Variants in ZMYND8 observed in about 807,000 individuals in gnomAD.
The protein encoded by ZMYND8 is MYND-type zinc finger-containing chromatin reader ZMYND8.
In ZMYND8, 37 loss-of-function variants were observed where a neutral mutation model predicts 140.8. The ratio of observed to expected loss-of-function variants is 0.26; its 90% CI spans 0.20 to 0.35. ZMYND8 has a LOEUF of 0.35. ZMYND8 is among the 10% of genes least tolerant of loss of function. The pLI is 1.00. For synonymous variants in ZMYND8, 592 were observed against 597.1 expected, an observed-to-expected ratio of 0.99 and a Z score of 0.12; for missense variants, 1,068 against 1,570.0, an observed-to-expected ratio of 0.68 and a Z score of 5.40.
chr20:47,321,764 A>G (rs996557544), intron 2 of ZMYND8, among the ~76,000 whole-genome samples: 1 of 152,100 alleles, frequency 6.6e-6, no homozygotes, highest in Non-Finnish European at 1.5e-5. Flanking sequence ...ACAGCTAGAA[A>G]CACAGTTGTA....
Position 47,210,872 on chromosome 20 carries a change from A to T in ZMYND8, c.3594T>A (p.Ser1198Arg). The change falls in exon 23 of 23, where the codon AGT becomes AGA. Residue 1198 changes from serine (S) to arginine (R), a missense_variant. By Grantham distance (110) the Ser-to-Arg change is moderately radical (BLOSUM62 -1). This residue lies in a region of ZMYND8 where 180 missense variants were observed against 187.8 expected (regional missense o/e 0.96). Transcript: ENST00000471951. ...CCCTCTTCTCATCACTGCTGCTCCA[A>T]CTGGATTTATTACTCCGGGAATGGT... is the stretch of plus-strand genomic sequence containing the variant. ...QKYHSRSNKS[S>R]WSSSDEKRGS... The T allele has an allele frequency of 6.2e-7, 1 of 1,613,800 alleles. No individual in the cohort carries two copies. The highest frequency in any genetic ancestry group is 1.1e-5 in the South Asian group (1 of 91,064).
chr20:47,293,285 G>A (rs1272808530), intron 5 of ZMYND8, among the ~76,000 whole-genome samples: 3 of 151,790 alleles, frequency 2.0e-5, no homozygotes, highest in African/African-American at 4.8e-5. Flanking sequence ...TAGAAAAAAT[G>A]TCATAATATG....
chr20:47,344,492 GA>G (rs1400760311), intron 2 of ZMYND8, among the ~76,000 whole-genome samples: 8 of 152,112 alleles, frequency 5.3e-5, no homozygotes, highest in Non-Finnish European at 1.2e-4. Context: ...ACAAAAACAA[GA>G]AAAGTCTAAG....
chr20:47,219,075 T>TTTTTTTTTTTTTTTTTTTA (rs1374089864), intron 21 of ZMYND8, among the ~76,000 whole-genome samples: 1 of 148,544 alleles, frequency 6.7e-6, no homozygotes, highest in African/African-American at 2.5e-5. Flanking sequence ...TTTTTTTTTT[T>TTTTTTTTTTTTTTTTTTTA]GAGAGAGAGT....
At chr20:47,224,263 A>G (rs2037391482) in intron 19 of ZMYND8, 54 bp downstream of exon 19, 1 of 1,606,924 alleles carries the variant, frequency 6.2e-7, no homozygotes, top group Admixed American at 1.7e-5. Flanking sequence ...CACAGGGGAG[A>G]CCAATGCCAA....
chr20:47,333,497 G>A (rs767653324), intron 2 of ZMYND8, among the ~76,000 whole-genome samples: 54 of 152,150 alleles, frequency 3.5e-4, no homozygotes, highest in Non-Finnish European at 5.0e-4. Context: ...TTGGGAGGCC[G>A]AGGCAGGTGG....
At chr20:47,236,224 A>G in intron 16 of ZMYND8, 102 bp downstream of exon 16, 1 of 1,422,418 alleles carries the variant, frequency 7.0e-7, no homozygotes, top group Non-Finnish European at 9.6e-7. Context: ...CACTCCCTAA[A>G]GACTGCAAGG....
At chr20:47,332,864 C>T (rs1357942345) in intron 2 of ZMYND8, among the ~76,000 whole-genome samples, 5 of 152,142 alleles carry the variant, frequency 3.3e-5, no homozygotes, top group African/African-American at 7.2e-5. Context: ...GAACACTCAC[C>T]GCAGCATTAT....
At chr20:47,287,716 G>C (rs1433339372) in intron 7 of ZMYND8, among the ~76,000 whole-genome samples, 1 of 152,104 alleles carries the variant, frequency 6.6e-6, no homozygotes, top group Non-Finnish European at 1.5e-5. Flanking sequence ...CTTGGGCCAA[G>C]TGTGGTGGCT....
Position 47,221,320 on chromosome 20 carries a change from A to G in ZMYND8, c.3411T>C (p.Ser1137=), listed in dbSNP as rs778691029. Residue 1137 remains serine (S), a synonymous_variant, in exon 20 of 23, where the codon AGT becomes AGC. Coordinates refer to ENST00000471951, the MANE Select transcript of ZMYND8 (RefSeq NM_001281775.3). ...GGCATGGGGGGATCCTCACCGAGCC[A>G]CTCTCCTTGCTTTTCTCAGCTGACG... ...KETSAEKSKE[S]GSTLDLSGSR... The G allele has an allele frequency of 7.4e-6, 12 of 1,613,734 alleles. No individual in the cohort carries two copies. The Admixed American group carries it at 2.0e-4, about 27-fold the overall frequency.
intron 19 of ZMYND8, among the ~76,000 whole-genome samples, chr20:47,221,689 T>C (rs1373863706): frequency 6.6e-6 from 1 of 152,154 alleles, no homozygotes; most frequent in African/African-American, 2.4e-5. Context: ...CATGCTGAGA[T>C]GGAGTCTCGC....
chr20:47,242,018 T>C (rs2040032037), intron 14 of ZMYND8, among the ~76,000 whole-genome samples: 1 of 151,826 alleles, frequency 6.6e-6, no homozygotes, highest in African/African-American at 2.4e-5. Context: ...GGGGTTTCAC[T>C]GTGTTAGCCA....
At chr20:47,214,884 A>G (rs902115448) in intron 21 of ZMYND8, among the ~76,000 whole-genome samples, 3 of 152,146 alleles carry the variant, frequency 2.0e-5, no homozygotes, top group African/African-American at 7.2e-5. Flanking sequence ...TCTGACATGA[A>G]GATACCATGA....
At chr20:47,307,848 G>A (rs183588292) in intron 3 of ZMYND8, among the ~76,000 whole-genome samples, 34 of 151,026 alleles carry the variant, frequency 2.3e-4, no homozygotes, top group East Asian at 4.0e-4. Flanking sequence ...GGCCAGGCGC[G>A]GTGGCTCACG....
At chr20:47,310,371 C>G (rs768141421) in intron 2 of ZMYND8, among the ~76,000 whole-genome samples, 167 bp from the exon 3 acceptor site, 2 of 152,224 alleles carry the variant, frequency 1.3e-5, no homozygotes, top group Non-Finnish European at 2.9e-5. Flanking sequence ...CCCTTCTTCA[C>G]TGTCTGCTTC....
At chr20:47,278,552 C>G (rs1238115448) in intron 10 of ZMYND8, among the ~76,000 whole-genome samples, 1 of 152,006 alleles carries the variant, frequency 6.6e-6, no homozygotes, top group Non-Finnish European at 1.5e-5. Context: ...GAGAAAACAA[C>G]CCAGGAGAAA....
At chr20:47,269,724 A>G (rs1239315965) in intron 11 of ZMYND8, among the ~76,000 whole-genome samples, 1 of 152,070 alleles carries the variant, frequency 6.6e-6, no homozygotes. Context: ...GCACCCCAGC[A>G]CTCTGGGTGG....
intron 6 of ZMYND8, among the ~76,000 whole-genome samples, chr20:47,291,501 GTCAA>G (rs1411351772): frequency 1.3e-5 from 2 of 152,220 alleles, no homozygotes; most frequent in Admixed American, 1.3e-4. Flanking sequence ...TAACGCTCAA[GTCAA>G]TCAAATCACT....
rs1177728273 is a variant in ZMYND8 at position 47,239,084 on chromosome 20, G to T, written c.2339C>A (p.Thr780Lys). The T allele has an allele frequency of 1.3e-6, 2 of 1,528,734 alleles. No homozygotes were observed. Among genetic ancestry groups the T allele is most frequent in the Admixed American group, 2.0e-5 (1 of 48,890 alleles). The allele number at this position is 1,528,734 out of a possible 1,614,324, so 94.7% of individuals were successfully genotyped here. ...GGCGGAAGAGCGGGTGAGCACCGGT[G>T]TTTCCGGGGGAGAATGGCTGCCCAC... Reference protein sequence around the residue: ...TTVGSHSPPETPVLTRSSAQT... With the variant: ...TTVGSHSPPEKPVLTRSSAQT... Residue 780 changes from threonine (T) to lysine (K), a missense_variant, in exon 15 of 23, where the codon ACA (threonine) becomes AAA (lysine). Thr to Lys is a moderately conservative substitution (Grantham distance 78). Coordinates refer to ENST00000471951, the MANE Select transcript of ZMYND8 (RefSeq NM_001281775.3).
Sources: gnomAD v4.1 joint callset for allele counts (sites outside exome capture counted in the v4.1 genomes callset) on GRCh38, gnomAD v4.1.1 for gene constraint, gnomAD v4.1.1 regional missense constraint, MANE v1.5 for transcripts, NCBI Gene and HGNC (gene_info 2026-07-23, HGNC 2026-07-21) for gene names.